The following ZNF90 variants were observed in gnomAD, a reference collection of about 807,000 sequenced individuals.
ZNF90 encodes zinc finger protein 90.
In ZNF90, 11 loss-of-function variants were observed where a neutral mutation model predicts 12.0. That is an observed-to-expected ratio of 0.92 (90% CI 0.58 to 1.52). ZNF90 has a LOEUF of 1.52. Among genes scored for constraint, ZNF90 ranks in the 40% most tolerant of loss-of-function variants. ZNF90 has a pLI of 0.00. For synonymous variants in ZNF90, 232 were observed against 240.1 expected (o/e 0.97, Z 0.31); for missense variants, 765 against 711.5 (o/e 1.08, Z -0.86).
At chr19:20,087,158 A>G (rs1176889137) in intron 1 of ZNF90, 1 of 126,730 alleles carries the variant, frequency 7.9e-6, no homozygotes, top group African/African-American at 3.4e-5. Context: ...CTCATTTCTC[A>G]TGCTGAGAGT....
intron 1 of ZNF90, among the ~76,000 whole-genome samples, chr19:20,092,690 G>T (rs10415451): frequency 0.071 from 10,820 of 152,246 alleles, 629 homozygotes; most frequent in East Asian, 0.24. Flanking sequence ...AGGGATTGGG[G>T]TTTGAGAGAT....
At position 20,118,864 on chromosome 19, in the gene ZNF90, C is replaced by T. The variant is rs1555706172; in HGVS notation, c.1310C>T (p.Ser437Phe). ...CQECDKVFKR[S>F]SALSTHKIIH... is the part of the protein sequence containing the mutation. ...GAATGTGACAAAGTCTTCAAACGCT[C>T]CTCAGCCCTTAGCACACATAAGATA... Residue 437 changes from serine to phenylalanine, a missense_variant, in exon 4 of 4, where the codon TCC becomes TTC. Coordinates refer to ENST00000418063, the MANE Select transcript of ZNF90 (RefSeq NM_007138.2). 1 of 1,608,894 alleles carries T rather than the reference C, an allele frequency of 6.2e-7. No individual in the cohort carries two copies. Among genetic ancestry groups the T allele is most frequent in the South Asian group, 1.1e-5 (1 of 90,438 alleles).
intron 1 of ZNF90, among the ~76,000 whole-genome samples, chr19:20,103,879 A>G (rs573005533): frequency 3.0e-4 from 46 of 152,122 alleles, no homozygotes; most frequent in Non-Finnish European, 5.9e-4. Flanking sequence ...TTAAAATTTG[A>G]GAGGTGCCTT....
intron 1 of ZNF90, among the ~76,000 whole-genome samples, chr19:20,102,628 T>G (rs531960344): frequency 5.1e-4 from 77 of 152,338 alleles, no homozygotes; most frequent in African/African-American, 1.8e-3. Flanking sequence ...AGCAATTGTT[T>G]CCAACATGCA....
At chr19:20,101,459 C>A (rs1430977396) in intron 1 of ZNF90, among the ~76,000 whole-genome samples, 1 of 152,218 alleles carries the variant, frequency 6.6e-6, no homozygotes, top group Admixed American at 6.5e-5. Context: ...AACAAAGACC[C>A]ACCCCTTAAC....
At chr19:20,104,508 T>G in intron 2 of ZNF90, 143 bp downstream of exon 2, 1 of 1,034,626 alleles carries the variant, frequency 9.7e-7, no homozygotes, top group South Asian at 2.3e-5. Flanking sequence ...GAATTTCTTT[T>G]AGAAGTGAAT....
intron 3 of ZNF90, among the ~76,000 whole-genome samples, chr19:20,114,894 A>G (rs1321869785): frequency 3.9e-5 from 6 of 152,094 alleles, no homozygotes; most frequent in African/African-American, 1.4e-4. Flanking sequence ...TTATAATTAT[A>G]TTTCTCTCTA....
At chr19:20,096,897 T>C (rs2088951883) in intron 1 of ZNF90, among the ~76,000 whole-genome samples, 1 of 152,112 alleles carries the variant, frequency 6.6e-6, no homozygotes, top group South Asian at 2.1e-4. Context: ...TGTAGCAGAG[T>C]GAAACCCTAC....
chr19:20,103,207 G>T (rs1252310726), intron 1 of ZNF90, among the ~76,000 whole-genome samples: 2 of 152,200 alleles, frequency 1.3e-5, no homozygotes, highest in African/African-American at 4.8e-5. Context: ...GAAACAGGTG[G>T]TGAGAATGTG....
chr19:20,119,080 A>G lies in ZNF90; in HGVS notation c.1526A>G (p.Tyr509Cys), dbSNP rs782659411. 6.2e-7 allele frequency: 1 copy of G among 1,612,538 alleles called. No homozygotes were observed. The highest frequency in any genetic ancestry group is 1.1e-5 in the South Asian group (1 of 90,874). ...ATAATTCACAGTGGAGAGAATCCCT[A>G]CAAATGTGAAGAATGTGGCAAAGCC... ...HKIIHSGENP[Y>C]KCEECGKAFK... The change falls in exon 4 of 4, where the codon TAC becomes TGC. Residue 509 changes from tyrosine (Y) to cysteine (C), a missense_variant. Tyr to Cys is a radical substitution (Grantham distance 194). Coordinates refer to ENST00000418063, the MANE Select transcript of ZNF90 (RefSeq NM_007138.2).
intron 3 of ZNF90, among the ~76,000 whole-genome samples, chr19:20,109,687 A>T (rs2089069865): frequency 6.7e-6 from 1 of 150,318 alleles, no homozygotes; most frequent in African/African-American, 2.5e-5. Flanking sequence ...CAGCCTGGGC[A>T]ACATATGGAG....
chr19:20,107,067 C>G (rs1555704569), intron 3 of ZNF90: 4 of 449,520 alleles, frequency 8.9e-6, no homozygotes, highest in African/African-American at 8.1e-5. Flanking sequence ...TGACTGAGTA[C>G]CAGACAGCAT....
chr19:20,096,078 A>T (rs931156362), intron 1 of ZNF90, among the ~76,000 whole-genome samples: 1 of 152,198 alleles, frequency 6.6e-6, no homozygotes, highest in African/African-American at 2.4e-5. Flanking sequence ...AATGAAAGGA[A>T]TTGAAATTAA....
In ZNF90 at chr19:20,120,982, A is replaced by G. The variant is rs1272056413; in HGVS notation, c.*1622A>G. 6.6e-6 allele frequency: 1 copy of G among 152,642 alleles called. No homozygotes were observed. Among genetic ancestry groups the G allele is most frequent in the African/African-American group, 2.4e-5 (1 of 41,470 alleles). The allele number at this position is 152,642 out of a possible 1,614,324, so 9.5% of individuals were successfully genotyped here. On this transcript the variant is annotated 3_prime_UTR_variant, in exon 4 of 4. Transcript: ENST00000418063. ...GAAAGGATATTAAAATGTAAGATGC[A>G]TGATGAAAATATAAGTGGACAGGCT...
At chr19:20,101,051 C>T (rs540341106) in intron 1 of ZNF90, among the ~76,000 whole-genome samples, 35 of 152,214 alleles carry the variant, frequency 2.3e-4, no homozygotes, top group East Asian at 7.7e-4. Context: ...CTGTTTGTTA[C>T]GGCTCCAGCT....
Position 20,121,025 on chromosome 19 carries a change from A to G in ZNF90, c.*1665A>G, listed in dbSNP as rs956146564. 6.5e-6 allele frequency: 1 copy of G among 154,454 alleles called. No homozygotes were observed. Among genetic ancestry groups the G allele is most frequent in the Non-Finnish European group, 1.4e-5 (1 of 69,336 alleles). 9.6% of individuals were successfully genotyped at this position (154,454 alleles called of 1,614,324 possible). The stretch of plus-strand genomic sequence containing the variant: ...GACAGGCTGTTCGTATTTGACCTAT[A>G]TTAAGTAATGTATAAGGTAGTGTTC... On this transcript the variant is annotated 3_prime_UTR_variant, in exon 4 of 4. Coordinates refer to ENST00000418063, the MANE Select transcript of ZNF90 (RefSeq NM_007138.2).
chr19:20,099,171 A>T (rs144656804), intron 1 of ZNF90, among the ~76,000 whole-genome samples: 1 of 151,908 alleles, frequency 6.6e-6, no homozygotes, highest in African/African-American at 2.4e-5. Context: ...CAGAAGAAAT[A>T]TTATTATGCT....
chr19:20,091,827 G>A (rs949006966), intron 1 of ZNF90, among the ~76,000 whole-genome samples: 7 of 151,528 alleles, frequency 4.6e-5, no homozygotes, highest in South Asian at 2.1e-4. Context: ...ATATTGATGC[G>A]TAGTCCTTTT....
At chr19:20,080,449 G>T (rs1039296874) in intron 1 of ZNF90, 1 of 309,308 alleles carries the variant, frequency 3.2e-6, no homozygotes, top group East Asian at 9.7e-5. Context: ...GCAGCCGGGC[G>T]CCACAACTCA....
Sources: gnomAD v4.1 joint callset for allele counts (sites outside exome capture counted in the v4.1 genomes callset) on GRCh38, gnomAD v4.1.1 for gene constraint, MANE v1.5 for transcripts, NCBI Gene and HGNC (gene_info 2026-07-23, HGNC 2026-07-21) for gene names.